CDH7: variants seen among roughly 807,000 people sequenced by gnomAD.
The protein encoded by CDH7 is cadherin-7.
CDH7 carries 25 observed loss-of-function variants against 71.8 expected under a neutral mutation model. The observed-to-expected ratio is 0.35, with a 90% CI of 0.25 to 0.49. The LOEUF (loss-of-function observed/expected upper bound fraction) is 0.49. CDH7 is among the 20% of genes least tolerant of loss of function. CDH7 has a pLI of 0.99. For synonymous variants in CDH7, 381 were observed against 363.8 expected, an observed-to-expected ratio of 1.05 and a Z score of -0.54; for missense variants, 862 against 974.6, an observed-to-expected ratio of 0.88 and a Z score of 1.54.
intron 2 of CDH7, among the ~76,000 whole-genome samples, chr18:65,773,296 A>G (rs1371861345): frequency 1.3e-5 from 2 of 152,196 alleles, no homozygotes; most frequent in Non-Finnish European, 2.9e-5. Flanking sequence ...TAAATGCCTT[A>G]AACTTGAATA....
chr18:65,766,981 C>T lies in CDH7; in HGVS notation c.210+3929C>T, dbSNP rs187108452. Among the ~76,000 whole-genome samples the T allele has an allele frequency of 1.4e-3, 215 of 149,192 alleles. 1 individual carries two copies. The highest frequency in any genetic ancestry group is 3.5e-3 in the Middle Eastern group (1 of 282). ...TTAAGTATTTTTCATCTTTCCTAAC[C>T]GTAATGGGATGCCAGCCGATCGCTG... On this transcript the variant is annotated intron_variant, in intron 2 of 11. Coordinates refer to ENST00000397968, the MANE Select transcript of CDH7 (RefSeq NM_004361.5).
At chr18:65,828,631 G>A (rs1194862505) in intron 6 of CDH7, among the ~76,000 whole-genome samples, 1 of 151,996 alleles carries the variant, frequency 6.6e-6, no homozygotes, top group Non-Finnish European at 1.5e-5. Context: ...AGTTTTGAGC[G>A]ATCCAAAGTT....
chr18:65,790,416 C>T (rs1910673169), intron 2 of CDH7, among the ~76,000 whole-genome samples: 1 of 151,786 alleles, frequency 6.6e-6, no homozygotes, highest in Admixed American at 6.6e-5. Context: ...AACAGGGCCC[C>T]TTGAGAGTGA....
At chr18:65,860,505 C>T (rs1913525544) in intron 10 of CDH7, among the ~76,000 whole-genome samples, 1 of 152,046 alleles carries the variant, frequency 6.6e-6, no homozygotes, top group African/African-American at 2.4e-5. Flanking sequence ...GTTATAAGAA[C>T]TTAAAGCACG....
intron 2 of CDH7, among the ~76,000 whole-genome samples, chr18:65,785,238 T>C (rs1910470049): frequency 6.6e-6 from 1 of 150,938 alleles, no homozygotes; most frequent in African/African-American, 2.4e-5. Context: ...ATATATGTCA[T>C]ATATATATAT....
chr18:65,769,248 A>G (rs1383158339), intron 2 of CDH7, among the ~76,000 whole-genome samples: 1 of 152,158 alleles, frequency 6.6e-6, no homozygotes, highest in African/African-American at 2.4e-5. Context: ...TTCTTAGAAA[A>G]CAGGGCAGAG....
intron 6 of CDH7, among the ~76,000 whole-genome samples, chr18:65,830,306 A>G (rs1440953511): frequency 1.3e-5 from 2 of 152,192 alleles, no homozygotes; most frequent in African/African-American, 4.8e-5. Flanking sequence ...CACATAATAC[A>G]TATTGTAAGG....
intron 11 of CDH7, among the ~76,000 whole-genome samples, chr18:65,877,091 T>A (rs572360981): frequency 1.3e-5 from 2 of 152,228 alleles, no homozygotes; most frequent in Admixed American, 6.5e-5. Context: ...TCTTGTTCTA[T>A]GTAAACATTA....
intron 7 of CDH7, 27 bp from the exon 8 acceptor site, chr18:65,857,789 C>T (rs1913416320): frequency 1.2e-6 from 2 of 1,604,050 alleles, no homozygotes; most frequent in South Asian, 1.1e-5. Flanking sequence ...ATGTTGAAGG[C>T]TTTTCTTTTC....
Position 65,817,716 on chromosome 18 carries a change from C to T in CDH7, c.625+3112C>T, listed in dbSNP as rs567069517. ...TAACATAGTTTCTGTATAGCCAGGG[C>T]TGTGTATTTCTTTCATATTTGATTT... On this transcript the variant is annotated intron_variant, in intron 4 of 11. Coordinates refer to ENST00000397968, the MANE Select transcript of CDH7 (RefSeq NM_004361.5). Among the ~76,000 whole-genome samples the T allele has an allele frequency of 1.3e-3, 195 of 152,190 alleles. 1 individual carries two copies. Among genetic ancestry groups the T allele is most frequent in the African/African-American group, 4.2e-3 (174 of 41,524 alleles).
chr18:65,787,236 A>C (rs991001247), intron 2 of CDH7, among the ~76,000 whole-genome samples: 1 of 152,200 alleles, frequency 6.6e-6, no homozygotes, highest in Non-Finnish European at 1.5e-5. Context: ...CATCGTTTTA[A>C]ATGTATCAAA....
In CDH7 at chr18:65,880,792, C is replaced by T. The variant is rs147379460; in HGVS notation, c.2256C>T (p.Ser752=). 10 of 1,614,000 alleles carry T rather than the reference C, an allele frequency of 6.2e-6. No individual in the cohort carries two copies. Among genetic ancestry groups the T allele is most frequent in the Admixed American group, 1.7e-5 (1 of 60,006 alleles). Residue 752 remains serine (S), a synonymous_variant, in exon 12 of 12, where the codon AGC becomes AGT. Transcript: ENST00000397968. The part of the protein sequence containing the change: ...AESLSSLDSI[S]SNSDQNYDYL... ...CACTCAGCTCTTTAGATTCCATCAG[C>T]TCAAACTCTGATCAGAACTATGACT...
At chr18:65,833,797 A>G (rs1231885416) in intron 6 of CDH7, among the ~76,000 whole-genome samples, 1 of 152,214 alleles carries the variant, frequency 6.6e-6, no homozygotes, top group Non-Finnish European at 1.5e-5. Flanking sequence ...ACTAATTTAC[A>G]TGTCGACATG....
intron 11 of CDH7, among the ~76,000 whole-genome samples, chr18:65,876,861 A>G (rs954268929): frequency 2.6e-5 from 4 of 152,208 alleles, no homozygotes; most frequent in Admixed American, 2.6e-4. Flanking sequence ...TGTTAAACAG[A>G]TATGTAAATT....
At chr18:65,838,156 A>G (rs1363130625) in intron 6 of CDH7, among the ~76,000 whole-genome samples, 2 of 151,890 alleles carry the variant, frequency 1.3e-5, no homozygotes, top group Admixed American at 1.3e-4. Context: ...AACTCCTGAC[A>G]TGATCTGCCT....
chr18:65,848,271 A>C (rs1448662169), intron 7 of CDH7, among the ~76,000 whole-genome samples: 3 of 152,292 alleles, frequency 2.0e-5, no homozygotes, highest in Middle Eastern at 3.4e-3. Flanking sequence ...TCAATGACTG[A>C]ACAGGCATTC....
In CDH7 at chr18:65,883,175, T is replaced by C. The variant is rs968590211; in HGVS notation, c.*2281T>C. The stretch of plus-strand genomic sequence containing the variant: ...ATTGCATATACCCAATTGCTATTTA[T>C]GTGTGGATGATTATATGAATACAGT... On this transcript the variant is annotated 3_prime_UTR_variant, in exon 12 of 12. Transcript: ENST00000397968. 1 of 152,050 alleles carries C rather than the reference T, an allele frequency of 6.6e-6. No individual in the cohort carries two copies. Among genetic ancestry groups the C allele is most frequent in the African/African-American group, 2.4e-5 (1 of 41,424 alleles). The allele number at this position is 152,050 out of a possible 1,614,324, so 9.4% of individuals were successfully genotyped here.
At chr18:65,768,994 G>A (rs1396202225) in intron 2 of CDH7, among the ~76,000 whole-genome samples, 1 of 151,340 alleles carries the variant, frequency 6.6e-6, no homozygotes, top group Non-Finnish European at 1.5e-5. Flanking sequence ...TAATGTGCTA[G>A]ATAGAAGCAT....
intron 2 of CDH7, among the ~76,000 whole-genome samples, chr18:65,800,738 T>A (rs527546551): frequency 6.6e-6 from 1 of 152,344 alleles, no homozygotes; most frequent in African/African-American, 2.4e-5. Context: ...GGTTATAATA[T>A]ATTTATGTGA....
Sources: allele counts gnomAD v4.1 joint callset (sites outside exome capture counted in the v4.1 genomes callset), GRCh38; gene constraint gnomAD v4.1.1; transcripts MANE v1.5; gene names NCBI Gene and HGNC (gene_info 2026-07-23, HGNC 2026-07-21).